Variants in KIF11 observed in about 807,000 individuals in gnomAD.
KIF11 encodes kinesin family member 11.
In KIF11, 9 loss-of-function variants were observed where a neutral mutation model predicts 121.0. The observed-to-expected ratio is 0.07, with a 90% CI of 0.04 to 0.13. The LOEUF is 0.13. Among genes scored for constraint, KIF11 ranks in the 10% least tolerant of loss-of-function variants. The pLI is 1.00. For missense variants in KIF11, 846 were observed against 1,217.5 expected, an observed-to-expected ratio of 0.69 and a Z score of 4.54; for synonymous variants, 408 against 421.0, an observed-to-expected ratio of 0.97 and a Z score of 0.38.
At chr10:92,630,558 C>T (rs910989834) in intron 12 of KIF11, among the ~76,000 whole-genome samples, 194 bp downstream of exon 12, 4 of 152,156 alleles carry the variant, frequency 2.6e-5, no homozygotes, top group Non-Finnish European at 5.9e-5. Context: ...ACTCCTGCTC[C>T]TGGAGTTTTG....
At chr10:92,647,776 G>C (rs1476231200) in intron 18 of KIF11, among the ~76,000 whole-genome samples, 4 of 152,082 alleles carry the variant, frequency 2.6e-5, no homozygotes, top group African/African-American at 9.7e-5. Flanking sequence ...GAATACAAGG[G>C]AGTTAATTAT....
At chr10:92,650,733 C>T (rs1844971493) in intron 21 of KIF11, among the ~76,000 whole-genome samples, 1 of 152,158 alleles carries the variant, frequency 6.6e-6, no homozygotes, top group Non-Finnish European at 1.5e-5. Flanking sequence ...ACTTAATCTA[C>T]ATCCTTAGCT....
intron 10 of KIF11, 125 bp downstream of exon 10, chr10:92,621,598 G>A (rs1218242035): frequency 2.0e-6 from 1 of 496,308 alleles, no homozygotes; most frequent in Admixed American, 3.4e-5. Flanking sequence ...ACTTCATTTT[G>A]TGTGTGTGTG....
At position 92,651,130 on chromosome 10, in the gene KIF11, A is replaced by G. The variant is rs1364635852; in HGVS notation, c.3039+613A>G. 4.0e-5 allele frequency among the ~76,000 whole-genome samples: 6 copies of G among 151,744 alleles called. No homozygotes were observed. The East Asian group carries it at 9.7e-4, about 24-fold the overall frequency. On this transcript the variant is annotated intron_variant, in intron 21 of 21. Coordinates refer to ENST00000260731, the MANE Select transcript of KIF11 (RefSeq NM_004523.4). ...AACCTCCGCCTCCTGAGTTCAAGTG[A>G]TTCTCCTGACTCAGCCTCCCGGGTA...
intron 8 of KIF11, among the ~76,000 whole-genome samples, chr10:92,615,842 G>GTT (rs71481176): frequency 4.6e-5 from 6 of 129,962 alleles, no homozygotes; most frequent in African/African-American, 8.5e-5. Flanking sequence ...GGATTTTTTT[G>GTT]TTTTTTTTTT....
chr10:92,603,122 A>G (rs1048326541), intron 1 of KIF11, among the ~76,000 whole-genome samples: 2 of 151,892 alleles, frequency 1.3e-5, no homozygotes, highest in African/African-American at 2.4e-5. Context: ...CAAAATATCT[A>G]CAGGGCCTGG....
chr10:92,595,715 T>A (rs1255735111), intron 1 of KIF11, among the ~76,000 whole-genome samples: 1 of 152,158 alleles, frequency 6.6e-6, no homozygotes, highest in African/African-American at 2.4e-5. Context: ...TCTATACACA[T>A]TAAACAATAA....
intron 1 of KIF11, chr10:92,597,147 A>T (rs772973694): frequency 2.2e-5 from 6 of 275,738 alleles, no homozygotes; most frequent in Middle Eastern, 1.6e-3. Context: ...AGTGGGTGGC[A>T]ATCTTCACTT....
intron 18 of KIF11, among the ~76,000 whole-genome samples, chr10:92,646,371 C>T (rs550528383): frequency 2.6e-5 from 4 of 152,298 alleles, no homozygotes; most frequent in South Asian, 2.1e-4. Flanking sequence ...TTGAACTTAA[C>T]GCTTGCATGA....
intron 8 of KIF11, among the ~76,000 whole-genome samples, chr10:92,616,101 T>A (rs1055146895): frequency 2.6e-5 from 4 of 152,096 alleles, no homozygotes; most frequent in Non-Finnish European, 5.9e-5. Flanking sequence ...CCTTCCAAAG[T>A]GCTGGGATTA....
At chr10:92,594,265 G>A (rs750486229) in intron 1 of KIF11, among the ~76,000 whole-genome samples, 16 of 152,268 alleles carry the variant, frequency 1.1e-4, no homozygotes, top group Admixed American at 4.6e-4. Flanking sequence ...AAATTAAAAG[G>A]TTATTTTTTA....
chr10:92,613,422 G>C lies in KIF11; in HGVS notation c.835G>C (p.Asp279His). Residue 279 changes from aspartate (D) to histidine (H), a missense_variant, in exon 8 of 22, where the codon GAT (aspartate) becomes CAT (histidine). By Grantham distance (81) the Asp-to-His change is moderately conservative (BLOSUM62 -1). Around this residue, in one of 5 missense-constraint regions of KIF11, gnomAD observed 116 missense variants for 285.3 expected, o/e 0.41. Transcript: ENST00000260731. The surrounding 1 kb of genome is among the most constrained non-coding windows in gnomAD (Gnocchi z 4.2). ...AAACATTGGCCGTTCTGGAGCTGTT[G>C]ATAAGAGAGCTCGGGAAGCTGGAAA... The part of the protein sequence containing the change: ...SENIGRSGAV[D>H]KRAREAGNIN... 2 of 1,610,818 alleles carry C rather than the reference G, an allele frequency of 1.2e-6. No individual in the cohort carries two copies. Among genetic ancestry groups the C allele is most frequent in the Non-Finnish European group, 1.7e-6 (2 of 1,177,024 alleles).
Position 92,628,754 on chromosome 10 carries a change from A to G in KIF11, c.1218-54A>G, listed in dbSNP as rs17875340. ...TCACAATTGTGTTAGAATACATTTTATAGGAGTTAGAAAAAAATATTAACT... is the reference window on the plus strand; with the variant it reads ...TCACAATTGTGTTAGAATACATTTTGTAGGAGTTAGAAAAAAATATTAACT... On this transcript the variant is annotated intron_variant, in intron 10 of 21. Coordinates refer to ENST00000260731, the MANE Select transcript of KIF11 (RefSeq NM_004523.4). 65,581 of 921,278 alleles carry G rather than the reference A, an allele frequency of 0.071. 6,301 individuals are homozygous for G. The highest frequency in any genetic ancestry group is 0.4 in the African/African-American group (23,964 of 59,690). 57.1% of individuals were successfully genotyped at this position (921,278 alleles called of 1,614,324 possible).
At chr10:92,631,657 G>A (rs1180615819) in intron 12 of KIF11, among the ~76,000 whole-genome samples, 1 of 147,264 alleles carries the variant, frequency 6.8e-6, no homozygotes, top group Non-Finnish European at 1.5e-5. Flanking sequence ...CACCGCGCCC[G>A]GCCTTTAATT....
chr10:92,607,432 G>A (rs1844441949), intron 4 of KIF11, among the ~76,000 whole-genome samples, 195 bp downstream of exon 4: 1 of 152,142 alleles, frequency 6.6e-6, no homozygotes, highest in South Asian at 2.1e-4. Context: ...AATGGAAGAG[G>A]AAGGACCAAT....
chr10:92,615,204 G>T (rs1844540816), intron 8 of KIF11, among the ~76,000 whole-genome samples: 1 of 151,370 alleles, frequency 6.6e-6, no homozygotes, highest in Non-Finnish European at 1.5e-5. Context: ...AGGAGTTCAA[G>T]ACCAGCCTGA....
intron 14 of KIF11, among the ~76,000 whole-genome samples, chr10:92,635,580 A>G (rs1187105915): frequency 2.6e-5 from 4 of 152,224 alleles, no homozygotes; most frequent in African/African-American, 4.8e-5. Context: ...GACAATTACA[A>G]TAGTAACATC....
At chr10:92,643,185 T>G (rs2135922236) in intron 17 of KIF11, among the ~76,000 whole-genome samples, 1 of 152,312 alleles carries the variant, frequency 6.6e-6, no homozygotes, top group Middle Eastern at 3.4e-3. Flanking sequence ...GTGCTGGGAT[T>G]ATAGGTGTGA....
chr10:92,610,520 C>G (rs897023917), intron 6 of KIF11, among the ~76,000 whole-genome samples: 2 of 152,056 alleles, frequency 1.3e-5, no homozygotes, highest in African/African-American at 2.4e-5. Context: ...ATATAGTTTA[C>G]TAAAACAGAA....
Sources: gnomAD v4.1 joint callset for allele counts (sites outside exome capture counted in the v4.1 genomes callset) on GRCh38, gnomAD v4.1.1 for gene constraint, gnomAD v4.1.1 regional missense constraint, Gnocchi (gnomAD v3.1) non-coding constraint, MANE v1.5 for transcripts, NCBI Gene and HGNC (gene_info 2026-07-23, HGNC 2026-07-21) for gene names.